Variants in IMMP2L observed in about 807,000 individuals in gnomAD.
The protein encoded by IMMP2L is mitochondrial inner membrane protease subunit 2.
A neutral mutation model predicts 19.3 loss-of-function variants in IMMP2L; 18 were observed. The ratio of observed to expected loss-of-function variants is 0.93; its 90% confidence interval spans 0.64 to 1.38. The LOEUF (loss-of-function observed/expected upper bound fraction) is 1.38, where lower values mean the gene tolerates loss of function less well. Ranked by LOEUF, IMMP2L falls within the 40% of genes most tolerant of loss-of-function variation. IMMP2L has a pLI of 0.00. For synonymous variants in IMMP2L, 76 were observed against 73.0 expected (o/e 1.04, Z -0.21); for missense variants, 233 against 218.2 (o/e 1.07, Z -0.43).
chr7:110,994,882 A>G (rs529562933), intron 3 of IMMP2L, among the ~76,000 whole-genome samples: 1 of 152,258 alleles, frequency 6.6e-6, no homozygotes, highest in African/African-American at 2.4e-5. Context: ...TGATAGAAGA[A>G]AGGTTCAATT....
intron 3 of IMMP2L, among the ~76,000 whole-genome samples, chr7:111,202,835 G>C (rs1056932408): frequency 6.6e-6 from 1 of 152,104 alleles, no homozygotes; most frequent in African/African-American, 2.4e-5. Flanking sequence ...AATTTGTAGA[G>C]ACCTAGCCTC....
chr7:111,043,685 G>A (rs1792109076), intron 3 of IMMP2L, among the ~76,000 whole-genome samples: 1 of 152,164 alleles, frequency 6.6e-6, no homozygotes, highest in African/African-American at 2.4e-5. Flanking sequence ...TAGTTTTTTA[G>A]TCTAACACCA....
chr7:110,742,712 C>T (rs901242388), intron 5 of IMMP2L, among the ~76,000 whole-genome samples: 3 of 148,412 alleles, frequency 2.0e-5, no homozygotes, highest in Admixed American at 6.9e-5. Flanking sequence ...GGTTGCAGTG[C>T]GCCAGAGATC....
chr7:111,344,090 T>C (rs1416433342), intron 3 of IMMP2L, among the ~76,000 whole-genome samples: 5 of 152,134 alleles, frequency 3.3e-5, no homozygotes, highest in Non-Finnish European at 7.4e-5. Context: ...ATTTCCATTC[T>C]TGCCCCATCC....
intron 1 of IMMP2L, among the ~76,000 whole-genome samples, chr7:111,529,769 A>G (rs1487436996): frequency 6.6e-6 from 1 of 152,150 alleles, no homozygotes; most frequent in East Asian, 1.9e-4. Flanking sequence ...CTGTTGGTAA[A>G]CTGATAAGCA....
intron 3 of IMMP2L, among the ~76,000 whole-genome samples, chr7:111,105,605 A>T (rs912251025): frequency 2.0e-5 from 3 of 151,886 alleles, no homozygotes; most frequent in African/African-American, 7.2e-5. Flanking sequence ...GTACTTTCTA[A>T]GAAACAAATA....
At chr7:111,307,354 C>T (rs1274413498) in intron 3 of IMMP2L, among the ~76,000 whole-genome samples, 4 of 151,726 alleles carry the variant, frequency 2.6e-5, no homozygotes, top group African/African-American at 4.8e-5. Context: ...TGTCGAGTCA[C>T]TAAGTTTTGA....
chr7:110,772,460 C>G (rs1799101300), intron 5 of IMMP2L, among the ~76,000 whole-genome samples: 2 of 152,128 alleles, frequency 1.3e-5, no homozygotes, highest in South Asian at 4.1e-4. Flanking sequence ...CTATCCTGCC[C>G]AGGGACTCTG....
intron 3 of IMMP2L, among the ~76,000 whole-genome samples, chr7:111,335,850 T>C (rs1054965402): frequency 1.3e-5 from 2 of 152,132 alleles, no homozygotes; most frequent in African/African-American, 4.8e-5. Context: ...CATGTATGTA[T>C]ATAATTTCAT....
At chr7:111,149,029 C>A (rs1323735072) in intron 3 of IMMP2L, among the ~76,000 whole-genome samples, 1 of 152,012 alleles carries the variant, frequency 6.6e-6, no homozygotes, top group African/African-American at 2.4e-5. Context: ...AGAGTCTGTG[C>A]TTTTATCCAC....
chr7:110,719,275 T>C (rs928521789), intron 5 of IMMP2L, among the ~76,000 whole-genome samples: 1 of 152,190 alleles, frequency 6.6e-6, no homozygotes, highest in African/African-American at 2.4e-5. Flanking sequence ...GGCCTTGTGG[T>C]ACATGGATGA....
At chr7:111,408,244 A>T (rs926970492) in intron 3 of IMMP2L, among the ~76,000 whole-genome samples, 4 of 151,718 alleles carry the variant, frequency 2.6e-5, no homozygotes, top group Admixed American at 2.6e-4. Flanking sequence ...AACACTTCTG[A>T]TTATCTGTAT....
At chr7:111,444,485 G>A (rs1049744742) in intron 3 of IMMP2L, among the ~76,000 whole-genome samples, 12 of 152,104 alleles carry the variant, frequency 7.9e-5, no homozygotes, top group Admixed American at 4.6e-4. Context: ...GGTACAAATA[G>A]GACTAAATAA....
chr7:111,520,648 A>G (rs544884585), intron 2 of IMMP2L, among the ~76,000 whole-genome samples: 1 of 152,290 alleles, frequency 6.6e-6, no homozygotes, highest in African/African-American at 2.4e-5. Flanking sequence ...CATATTGATA[A>G]TACAGGAAAC....
chr7:111,276,304 T>C (rs1414062026), intron 3 of IMMP2L, among the ~76,000 whole-genome samples: 1 of 152,086 alleles, frequency 6.6e-6, no homozygotes, highest in Non-Finnish European at 1.5e-5. Flanking sequence ...TCCCACATGA[T>C]CATGGTATAT....
At chr7:111,387,859 C>G (rs886157589) in intron 3 of IMMP2L, among the ~76,000 whole-genome samples, 2 of 151,152 alleles carry the variant, frequency 1.3e-5, no homozygotes, top group African/African-American at 4.9e-5. Context: ...GCCTGCAGTT[C>G]CAACTACTCA....
chr7:110,702,495 G>A (rs1283383617), intron 5 of IMMP2L, among the ~76,000 whole-genome samples: 1 of 152,088 alleles, frequency 6.6e-6, no homozygotes, highest in Non-Finnish European at 1.5e-5. Context: ...CACTGAATTT[G>A]TAAACCAAAT....
intron 2 of IMMP2L, among the ~76,000 whole-genome samples, chr7:111,514,159 T>G (rs547115642): frequency 1.3e-5 from 2 of 152,170 alleles, no homozygotes; most frequent in South Asian, 4.2e-4. Flanking sequence ...ACACTCGAAT[T>G]TTACTAAGAG....
intron 3 of IMMP2L, among the ~76,000 whole-genome samples, chr7:110,969,615 C>G (rs1819930085): frequency 6.6e-6 from 1 of 151,974 alleles, no homozygotes; most frequent in African/African-American, 2.4e-5. Context: ...AAGGAAAGAT[C>G]ATGGGAAAGG....
Sources: allele counts gnomAD v4.1 joint callset (sites outside exome capture counted in the v4.1 genomes callset), GRCh38; gene constraint gnomAD v4.1.1; transcripts MANE v1.5; gene names NCBI Gene and HGNC (gene_info 2026-07-23, HGNC 2026-07-21).